The following SLC16A6 variants were observed in gnomAD, a reference collection of about 807,000 sequenced individuals.
The protein encoded by SLC16A6 is monocarboxylate transporter 7.
A neutral mutation model predicts 33.8 loss-of-function variants in SLC16A6; 15 were observed. The ratio of observed to expected loss-of-function variants is 0.44; its 90% CI spans 0.30 to 0.68. The LOEUF (loss-of-function observed/expected upper bound fraction) is 0.68. Among genes scored for constraint, SLC16A6 ranks in the 30% least tolerant of loss-of-function variants. The probability of loss-of-function intolerance (pLI) is 0.10; values close to 1 mark genes in which losing one functional copy is unlikely to be tolerated. For synonymous variants in SLC16A6, 219 were observed against 248.4 expected (o/e 0.88, Z 1.11); for missense variants, 451 against 661.5 (o/e 0.68, Z 3.49).
chr17:68,288,089 C>T (rs2075884736), intron 1 of SLC16A6, among the ~76,000 whole-genome samples: 1 of 151,352 alleles, frequency 6.6e-6, no homozygotes, highest in Admixed American at 6.6e-5. Flanking sequence ...CTCTGCCTCC[C>T]GGGTTCAAGC....
At chr17:68,283,000 T>C (rs60707214) in intron 1 of SLC16A6, 2,132 of 151,290 alleles carry the variant, frequency 0.014, 49 homozygotes, top group African/African-American at 0.05. Flanking sequence ...CACATACCTG[T>C]AGTCCCAGCC....
At position 68,271,707 on chromosome 17, in the gene SLC16A6, A is replaced by C. The variant is rs7216446; in HGVS notation, c.506-53T>G. The C allele has an allele frequency of 6.1e-3, 8,533 of 1,409,934 alleles. 304 individuals are homozygous for C. In the African/African-American group the frequency reaches 0.09, roughly 15 times the overall value. The allele number at this position is 1,409,934 out of a possible 1,614,324, so 87.3% of individuals were successfully genotyped here. A position where few individuals can be genotyped will look rare whatever the true frequency, so the allele number is the denominator to read the frequency against. On this transcript the variant is annotated intron_variant, in intron 4 of 5. Transcript: ENST00000580666. This position sits in a 1 kb window ranked among gnomAD's most constrained non-coding sequence, Gnocchi z 5.3. Reference sequence around the variant, plus strand: ...TAATATAAGGTCAATAATGGACTCAAGACCCAGGAGAAGCCATCAAGAAGA... The same window carrying C: ...TAATATAAGGTCAATAATGGACTCACGACCCAGGAGAAGCCATCAAGAAGA...
rs1555751606 is a variant in SLC16A6, at chr17:68,278,158, T to C, written c.163A>G (p.Ser55Gly). ...FGVFFNDLMD[S>G]FNESNSRISW... ...ATCCTGCTATTGGATTCATTAAAAC[T>C]GTCCATTAAGTCATTAAAGAAGACA... Residue 55 changes from serine to glycine, a missense_variant, in exon 2 of 6, where the codon AGT (serine) becomes GGT (glycine). Transcript: ENST00000580666. 2 of 1,614,154 alleles carry C rather than the reference T, an allele frequency of 1.2e-6. No homozygotes were observed. The highest frequency in any genetic ancestry group is 1.7e-6 in the Non-Finnish European group (2 of 1,179,994).
chr17:68,286,103 G>C (rs1282345416), intron 1 of SLC16A6, among the ~76,000 whole-genome samples: 2 of 152,230 alleles, frequency 1.3e-5, no homozygotes, highest in African/African-American at 4.8e-5. Flanking sequence ...ATGTGGACCG[G>C]GCTGTGGGTT....
In SLC16A6 at chr17:68,272,671, C is replaced by T; in HGVS notation, c.473G>A (p.Gly158Glu). Residue 158 changes from glycine (G) to glutamate (E), a missense_variant, in exon 4 of 6, where the codon GGA becomes GAA. Physicochemically the swap from Gly to Glu is moderately conservative, Grantham distance 98 (BLOSUM62 -2). Transcript: ENST00000580666. ...GAAAGCAAACACAGCGAAACATTCT[C>T]CTGTGGAAGCAACTGCAGTGACTAT... ...RSIVTAVAST[G>E]ECFAVFAFAP... is the part of the protein sequence containing the mutation. 6.2e-7 allele frequency: 1 copy of T among 1,614,120 alleles called. No homozygotes were observed. Among genetic ancestry groups the T allele is most frequent in the Non-Finnish European group, 8.5e-7 (1 of 1,180,006 alleles).
At chr17:68,277,060 T>C (rs2075547168) in intron 2 of SLC16A6, among the ~76,000 whole-genome samples, 1 of 152,224 alleles carries the variant, frequency 6.6e-6, no homozygotes, top group Non-Finnish European at 1.5e-5. Context: ...ACACATCTCA[T>C]TTTGCTTCAT....
At position 68,271,091 on chromosome 17, in the gene SLC16A6, G is replaced by T. The variant is rs782623479; in HGVS notation, c.1069C>A (p.Arg357Ser). 5 of 1,614,152 alleles carry T rather than the reference G, an allele frequency of 3.1e-6. No individual in the cohort carries two copies. The highest frequency in any genetic ancestry group is 3.4e-6 in the Non-Finnish European group (4 of 1,180,036). ...CAGATGAGCTCAATGTAAATCTTAC[G>T]AATGGGCTCCCTGTTGAGGACAAAA... ...AGFVLNREPI[R>S]KIYIELICVI... Residue 357 changes from arginine (R) to serine (S), a missense_variant, in exon 5 of 6, where the codon CGT (arginine) becomes AGT (serine). Arg to Ser is a moderately radical substitution (Grantham distance 110). Transcript: ENST00000580666. This position sits in a 1 kb window ranked among gnomAD's most constrained non-coding sequence, Gnocchi z 5.3.
intron 1 of SLC16A6, among the ~76,000 whole-genome samples, chr17:68,287,545 T>C (rs111461075): frequency 6.6e-6 from 1 of 152,214 alleles, no homozygotes; most frequent in Non-Finnish European, 1.5e-5. Context: ...CTCTGCTTTA[T>C]GTCTGAGCTA....
In SLC16A6 at chr17:68,273,223, T is replaced by A. The variant is rs79998154; in HGVS notation, c.377-456A>T. Among the ~76,000 whole-genome samples the A allele has an allele frequency of 4.6e-5, 7 of 151,600 alleles. No individual in the cohort carries two copies. The East Asian group carries it at 1.4e-3, about 29-fold the overall frequency. On this transcript the variant is annotated intron_variant, in intron 3 of 5. Coordinates refer to ENST00000580666, the MANE Select transcript of SLC16A6 (RefSeq NM_004694.5). ...ATTGTTCATTTCATTTTTTTTTTTT[T>A]AAACAGACAGGGTCTCACTCTGTTG... is the stretch of plus-strand genomic sequence containing the variant.
At position 68,271,012 on chromosome 17, in the gene SLC16A6, C is replaced by G. The variant is rs1555748342; in HGVS notation, c.1148G>C (p.Trp383Ser). ...AAATATGCTGCATGACATTAGACCC[C>G]AGAATTCAGTAGCAAAAGTAAAGGC... ...LFAFTFATEF[W>S]GLMSCSIFFG... The change falls in exon 5 of 6, where the codon TGG becomes TCG. Residue 383 changes from tryptophan to serine, a missense_variant. Trp to Ser is a radical substitution (Grantham distance 177, BLOSUM62 -3). Transcript: ENST00000580666. The surrounding 1 kb of genome is among the most constrained non-coding windows in gnomAD (Gnocchi z 5.3). 3 of 1,614,086 alleles carry G rather than the reference C, an allele frequency of 1.9e-6. No individual in the cohort carries two copies. In the South Asian group the frequency reaches 3.3e-5, roughly 18 times the overall value.
At chr17:68,272,827 T>C in intron 3 of SLC16A6, 60 bp from the exon 4 acceptor site, 1 of 1,595,930 alleles carries the variant, frequency 6.3e-7, no homozygotes, top group Middle Eastern at 1.7e-4. Context: ...ACTGGAAGGA[T>C]GCATTAAAAG....
chr17:68,277,926 C>T (rs1164285670), intron 2 of SLC16A6, among the ~76,000 whole-genome samples, 163 bp downstream of exon 2: 1 of 152,108 alleles, frequency 6.6e-6, no homozygotes, highest in Non-Finnish European at 1.5e-5. Flanking sequence ...TTGTTTCTTG[C>T]CAATCCTCAA....
chr17:68,276,330 A>C (rs1219677975), intron 2 of SLC16A6, among the ~76,000 whole-genome samples: 1 of 152,212 alleles, frequency 6.6e-6, no homozygotes, highest in African/African-American at 2.4e-5. Context: ...TCTATGGCTA[A>C]AAATGGACTA....
At position 68,278,549 on chromosome 17, in the gene SLC16A6, G is replaced by A. The variant is rs988973447; in HGVS notation, c.-7-222C>T. Among the ~76,000 whole-genome samples, 12 of 151,292 alleles carry A rather than the reference G, an allele frequency of 7.9e-5. No homozygotes were observed. In the South Asian group the frequency reaches 1.2e-3, roughly 16 times the overall value. ...ACTGCAACCTCTGCAATTCTCCTAC[G>A]TCAGCCTCCCAAGTAGCTGGGACTA... On this transcript the variant is annotated intron_variant, in intron 1 of 5. Transcript: ENST00000580666.
intron 4 of SLC16A6, among the ~76,000 whole-genome samples, chr17:68,272,282 T>C (rs2075367631): frequency 6.6e-6 from 1 of 152,204 alleles, no homozygotes; most frequent in Non-Finnish European, 1.5e-5. Flanking sequence ...AAGAATGCTG[T>C]GTTTATTAGC....
intron 1 of SLC16A6, among the ~76,000 whole-genome samples, chr17:68,284,902 G>A (rs2075806536): frequency 6.6e-6 from 1 of 152,112 alleles, no homozygotes; most frequent in African/African-American, 2.4e-5. Context: ...CAAAATCTGA[G>A]GTCTATTTCT....
In SLC16A6 at chr17:68,278,334, GAA is replaced by G. The variant is rs1341014023; in HGVS notation, c.-7-9_-7-8del. ...ATTTTGGGTCATTCTTAATCTGAAA[GAA>G]AAAGTTAAAAGCAATTCAGATCAGC... On this transcript the variant is annotated splice_region_variant and splice_polypyrimidine_tract_variant and intron_variant, in intron 1 of 5. Coordinates refer to ENST00000580666, the MANE Select transcript of SLC16A6 (RefSeq NM_004694.5). 1 of 1,598,488 alleles carries G rather than the reference GAA, an allele frequency of 6.3e-7. No homozygotes were observed. The highest frequency in any genetic ancestry group is 8.6e-7 in the Non-Finnish European group (1 of 1,168,168).
chr17:68,291,228 C>T (rs2075974391), upstream of SLC16A6: 3 of 150,706 alleles, frequency 2.0e-5, no homozygotes, highest in African/African-American at 7.3e-5. Flanking sequence ...CAAGTTGGCT[C>T]GGGCTGGTGA....
rs782621391 is a variant in SLC16A6 at position 68,273,909 on chromosome 17, C to T, written c.376+18G>A. 1.7e-5 allele frequency: 28 copies of T among 1,611,862 alleles called. 1 individual carries two copies. In the South Asian group the frequency reaches 2.3e-4, roughly 13 times the overall value. On this transcript the variant is annotated intron_variant, in intron 3 of 5. Transcript: ENST00000580666. Reference sequence around the variant, plus strand: ...ACTAAGTGTCTAGACAACTTCTGAGCCAAAGAGGAACACTTACCAGAGATG... The same window carrying T: ...ACTAAGTGTCTAGACAACTTCTGAGTCAAAGAGGAACACTTACCAGAGATG...
Sources: allele counts gnomAD v4.1 joint callset (sites outside exome capture counted in the v4.1 genomes callset), GRCh38; gene constraint gnomAD v4.1.1; non-coding constraint Gnocchi (gnomAD v3.1); transcripts MANE v1.5; gene names NCBI Gene and HGNC (gene_info 2026-07-23, HGNC 2026-07-21).